Variants in VCL observed in about 807,000 individuals in gnomAD.
The protein encoded by VCL is epididymis luminal protein 114.
Under a neutral mutation model 125.7 loss-of-function variants are expected in VCL, and 47 were observed. That is an observed-to-expected ratio of 0.37 (90% CI 0.30 to 0.48). VCL has a LOEUF of 0.48. Among genes scored for constraint, VCL ranks in the 20% least tolerant of loss-of-function variants. The pLI is 0.99. For missense variants in VCL, 1,069 were observed against 1,455.5 expected (o/e 0.73, Z 4.32); for synonymous variants, 458 against 514.6 (o/e 0.89, Z 1.49).
chr10:74,051,142 T>C (rs1309219103), intron 2 of VCL, among the ~76,000 whole-genome samples: 2 of 151,948 alleles, frequency 1.3e-5, no homozygotes, highest in Non-Finnish European at 1.5e-5. Context: ...TTACACCATG[T>C]TGGCCAGGCT....
intron 2 of VCL, among the ~76,000 whole-genome samples, chr10:74,054,243 T>C (rs758558765): frequency 2.4e-4 from 37 of 152,364 alleles, no homozygotes; most frequent in Non-Finnish European, 4.1e-4. Flanking sequence ...AAATCTCCTA[T>C]ACTAATTGTA....
At chr10:74,064,585 T>G (rs2136268165) in intron 2 of VCL, among the ~76,000 whole-genome samples, 1 of 152,152 alleles carries the variant, frequency 6.6e-6, no homozygotes, top group East Asian at 1.9e-4. Context: ...TTTTAAAATT[T>G]TTAGTAGAGA....
chr10:74,008,340 T>A (rs1319081857), intron 1 of VCL, among the ~76,000 whole-genome samples: 2 of 152,190 alleles, frequency 1.3e-5, no homozygotes, highest in African/African-American at 2.4e-5. Context: ...GTGTTCAGGC[T>A]ATTTTGGGTT....
chr10:74,065,942 T>TA (rs1055475625), intron 2 of VCL, among the ~76,000 whole-genome samples: 2 of 151,566 alleles, frequency 1.3e-5, no homozygotes, highest in African/African-American at 4.8e-5. Context: ...GGAGCCAGAA[T>TA]AAAAATTTTC....
At chr10:74,112,237 G>T in intron 19 of VCL, 125 bp downstream of exon 19, 1 of 1,222,398 alleles carries the variant, frequency 8.2e-7, no homozygotes, top group Non-Finnish European at 1.2e-6. Flanking sequence ...GCATCTGTCT[G>T]TCTGCACCAT....
chr10:74,060,932 C>T (rs1284879091), intron 2 of VCL, among the ~76,000 whole-genome samples: 2 of 151,960 alleles, frequency 1.3e-5, no homozygotes, highest in African/African-American at 2.4e-5. Context: ...TTCGAGATCC[C>T]ATAAGGCTGT....
Position 74,112,092 on chromosome 10 carries a change from G to C in VCL, c.2929G>C (p.Ala977Pro), listed in dbSNP as rs1302077212. 1 of 1,614,196 alleles carries C rather than the reference G, an allele frequency of 6.2e-7. No individual in the cohort carries two copies. Among genetic ancestry groups the C allele is most frequent in the East Asian group, 2.2e-5 (1 of 44,882 alleles). Residue 977 changes from alanine (A) to proline (P), a missense_variant, in exon 19 of 22, where the codon GCT (alanine) becomes CCT (proline). Coordinates refer to ENST00000211998, the MANE Select transcript of VCL (RefSeq NM_014000.3). ...CGCGGCTCAGTCCTTGCATCGGGAA[G>C]CTACCAAGTGGTCTAGTAAGGTACT... is the stretch of plus-strand genomic sequence containing the variant. ...LAAAQSLHRE[A>P]TKWSSKGNDI...
intron 2 of VCL, among the ~76,000 whole-genome samples, chr10:74,061,466 A>AT (rs923598815): frequency 7.9e-5 from 12 of 151,986 alleles, no homozygotes; most frequent in East Asian, 3.9e-4. Context: ...CATTCTTGTC[A>AT]TTTTTTTTCC....
At chr10:74,057,126 G>A (rs1010350540) in intron 2 of VCL, among the ~76,000 whole-genome samples, 10 of 151,790 alleles carry the variant, frequency 6.6e-5, no homozygotes, top group African/African-American at 1.2e-4. Flanking sequence ...AAAATTTTTC[G>A]TAGAGATAGG....
chr10:74,035,689 T>C (rs1840961102), intron 1 of VCL, among the ~76,000 whole-genome samples: 1 of 152,210 alleles, frequency 6.6e-6, no homozygotes, highest in Non-Finnish European at 1.5e-5. Flanking sequence ...TGTCAGTGAA[T>C]AGAAATAACA....
intron 2 of VCL, among the ~76,000 whole-genome samples, chr10:74,054,938 GA>G (rs570543410): frequency 3.4e-3 from 522 of 151,740 alleles, no homozygotes; most frequent in Non-Finnish European, 6.1e-3. Flanking sequence ...AACAAAAACA[GA>G]AAAACCAACA....
intron 1 of VCL, among the ~76,000 whole-genome samples, chr10:74,041,238 G>A (rs915755766): frequency 2.0e-5 from 3 of 151,768 alleles, no homozygotes; most frequent in Admixed American, 2.0e-4. Flanking sequence ...TCCATTCTGG[G>A]TTTTTTTAAT....
intron 2 of VCL, among the ~76,000 whole-genome samples, chr10:74,048,464 C>CAAA (rs369346650): frequency 3.4e-5 from 4 of 119,246 alleles, no homozygotes; most frequent in Admixed American, 8.3e-5. Flanking sequence ...AACTCTGTCT[C>CAAA]AAAAAAAAAA....
chr10:74,069,961 C>A (rs1200394608), intron 2 of VCL, among the ~76,000 whole-genome samples: 1 of 151,906 alleles, frequency 6.6e-6, no homozygotes, highest in African/African-American at 2.4e-5. Flanking sequence ...ATAATAGTGA[C>A]CTTTAATTAA....
chr10:74,065,958 A>G (rs894114282), intron 2 of VCL, among the ~76,000 whole-genome samples: 3 of 151,602 alleles, frequency 2.0e-5, no homozygotes, highest in Non-Finnish European at 4.4e-5. Flanking sequence ...TTTTCACAGC[A>G]CTATTATTCA....
intron 1 of VCL, among the ~76,000 whole-genome samples, chr10:74,036,637 G>C (rs1470415472): frequency 6.6e-6 from 1 of 151,946 alleles, no homozygotes; most frequent in African/African-American, 2.4e-5. Flanking sequence ...TTGGGAGGCT[G>C]AGGTGGGAGG....
At chr10:74,117,912 G>C (rs1840334755) in intron 21 of VCL, 111 bp from the exon 22 acceptor site, 8 of 1,465,228 alleles carry the variant, frequency 5.5e-6, no homozygotes, top group Non-Finnish European at 7.6e-6. Context: ...AAATATGGGG[G>C]ATGCCAGGTA....
intron 17 of VCL, 72 bp downstream of exon 17, chr10:74,107,426 T>C: frequency 6.2e-7 from 1 of 1,611,852 alleles, no homozygotes; most frequent in Non-Finnish European, 8.5e-7. Context: ...AGGTAGATTG[T>C]GTTTTAGAGC....
chr10:74,059,207 T>C (rs567978300), intron 2 of VCL, among the ~76,000 whole-genome samples: 25 of 151,888 alleles, frequency 1.6e-4, no homozygotes, highest in Admixed American at 5.9e-4. Context: ...ATACAAAAAC[T>C]AGTTCGGCAT....
Sources: gnomAD v4.1 joint callset for allele counts (sites outside exome capture counted in the v4.1 genomes callset) on GRCh38, gnomAD v4.1.1 for gene constraint, MANE v1.5 for transcripts, NCBI Gene and HGNC (gene_info 2026-07-23, HGNC 2026-07-21) for gene names.